ARRDC5: variants seen among roughly 807,000 people sequenced by gnomAD.
ARRDC5 encodes the protein arrestin domain containing 5.
Under a neutral mutation model 13.3 loss-of-function variants are expected in ARRDC5, and 12 were observed. That is an observed-to-expected ratio of 0.90 (90% confidence interval 0.58 to 1.46). The LOEUF (loss-of-function observed/expected upper bound fraction) is 1.46, where lower values mean the gene tolerates loss of function less well. ARRDC5 is among the 40% of genes most tolerant of loss of function. The pLI, the probability that ARRDC5 is intolerant of heterozygous loss-of-function variation, is 0.00. For synonymous variants in ARRDC5, 181 were observed against 173.4 expected (o/e 1.04, Z -0.34); for missense variants, 406 against 418.7 (o/e 0.97, Z 0.26).
upstream of ARRDC5, among the ~76,000 whole-genome samples, chr19:4,906,179 A>G (rs1268504985): frequency 1.3e-5 from 2 of 151,994 alleles, no homozygotes; most frequent in Admixed American, 1.3e-4. Flanking sequence ...GGTTCTCACT[A>G]CGTTGCCCAA....
At chr19:4,892,388 A>ATTTT (rs143254505) in intron 2 of ARRDC5, among the ~76,000 whole-genome samples, 1 of 122,484 alleles carries the variant, frequency 8.2e-6, no homozygotes, top group Non-Finnish European at 1.7e-5. Flanking sequence ...TGCATCCAGC[A>ATTTT]TTTTTTTTTT....
At chr19:4,900,252 A>G (rs1159641981) in intron 1 of ARRDC5, among the ~76,000 whole-genome samples, 2 of 135,380 alleles carry the variant, frequency 1.5e-5, no homozygotes, top group East Asian at 2.2e-4. Flanking sequence ...GGTTCACGCC[A>G]TTCTTCTGCC....
Position 4,890,914 on chromosome 19 carries a change from C to T in ARRDC5, c.*132G>A, listed in dbSNP as rs947848236. ...GGAGGGGAGACACAGATACCTAAAC[C>T]GCTAGAGCTTGGGGAGGTTGCAGAC... On this transcript the variant is annotated 3_prime_UTR_variant, in exon 3 of 3. Transcript: ENST00000650722. 2.5e-5 allele frequency: 17 copies of T among 692,444 alleles called. No individual in the cohort carries two copies. The highest frequency in any genetic ancestry group is 3.9e-5 in the Non-Finnish European group (16 of 412,348). 42.9% of individuals were successfully genotyped at this position (692,444 alleles called of 1,614,324 possible).
chr19:4,907,704 CTTTTTTTTTTT>C (rs59867968), upstream of ARRDC5, among the ~76,000 whole-genome samples: 1 of 47,672 alleles, frequency 2.1e-5, no homozygotes, highest in African/African-American at 1.0e-4. Context: ...TTGGCCTGAT[CTTTTTTTTTTT>C]TTTTTTTTTT....
chr19:4,896,584 C>T (rs2031741903), intron 2 of ARRDC5, 87 bp downstream of exon 2: 1 of 989,164 alleles, frequency 1.0e-6, no homozygotes, highest in Admixed American at 2.0e-5. Flanking sequence ...CCCCATGGGA[C>T]CTTCTCTGTC....
At chr19:4,901,685 T>C (rs1794631655) in intron 1 of ARRDC5, among the ~76,000 whole-genome samples, 1 of 152,106 alleles carries the variant, frequency 6.6e-6, no homozygotes. Context: ...AATTACACTT[T>C]GTTCAGCCAA....
chr19:4,897,594 G>A (rs892565255), intron 1 of ARRDC5, among the ~76,000 whole-genome samples: 6 of 152,100 alleles, frequency 3.9e-5, no homozygotes, highest in African/African-American at 9.7e-5. Flanking sequence ...CATGGTCACT[G>A]CAGCCTCCAA....
At chr19:4,897,709 G>T (rs529859413) in intron 1 of ARRDC5, among the ~76,000 whole-genome samples, 57 of 152,092 alleles carry the variant, frequency 3.7e-4, no homozygotes, top group Non-Finnish European at 4.9e-4. Context: ...TAGAGACAGG[G>T]TCTTGCTATG....
At chr19:4,899,081 G>A (rs1035153347) in intron 1 of ARRDC5, among the ~76,000 whole-genome samples, 16 of 151,498 alleles carry the variant, frequency 1.1e-4, no homozygotes, top group South Asian at 2.1e-4. Context: ...AGGCCGAGGC[G>A]GGCAGATCAC....
chr19:4,896,476 T>A (rs2031738761), intron 2 of ARRDC5, among the ~76,000 whole-genome samples, 195 bp downstream of exon 2: 1 of 150,096 alleles, frequency 6.7e-6, no homozygotes, highest in South Asian at 2.1e-4. Flanking sequence ...GGTGCAAACA[T>A]GGCTTACTGC....
In ARRDC5 at chr19:4,902,618, T is replaced by G. The variant is rs773524866; in HGVS notation, c.208A>C (p.Asn70His). 6.2e-7 allele frequency: 1 copy of G among 1,614,044 alleles called. No individual in the cohort carries two copies. The highest frequency in any genetic ancestry group is 8.5e-7 in the Non-Finnish European group (1 of 1,179,900). ...CDYSRNVICN[N>H]KADYVHKTKT... is the part of the protein sequence containing the mutation. ...GTCTTATGCACGTAGTCTGCCTTGT[T>G]GTTGCAAATAACATTTCTGCTATAA... The change falls in exon 1 of 3, where the codon AAC (asparagine) becomes CAC (histidine). Residue 70 changes from asparagine (N) to histidine (H), a missense_variant. Physicochemically the swap from Asn to His is moderately conservative, Grantham distance 68 (BLOSUM62 1). Transcript: ENST00000650722.
the ARRDC5 span, among the ~76,000 whole-genome samples, chr19:4,915,927 G>A: frequency 4.6e-5 from 7 of 152,124 alleles, no homozygotes; most frequent in African/African-American, 1.7e-4. Context: ...GTTCTCAAAC[G>A]GATTTCAGGA....
At chr19:4,916,089 C>T in the ARRDC5 span, among the ~76,000 whole-genome samples, 14 of 152,058 alleles carry the variant, frequency 9.2e-5, no homozygotes, top group Admixed American at 9.2e-4. Flanking sequence ...GCGAGGATCG[C>T]TTGAGGTTGG....
chr19:4,905,459 C>T (rs950497320), upstream of ARRDC5, among the ~76,000 whole-genome samples: 11 of 150,090 alleles, frequency 7.3e-5, no homozygotes, highest in African/African-American at 2.7e-4. Flanking sequence ...GATTTTTTTG[C>T]AATTTTTTTT....
the ARRDC5 span, among the ~76,000 whole-genome samples, chr19:4,916,265 C>T: frequency 1.9e-4 from 29 of 151,282 alleles, no homozygotes; most frequent in African/African-American, 6.8e-4. Context: ...AAGATTGTAC[C>T]ACTGCATTCC....
rs200818632 is a variant in ARRDC5, at chr19:4,902,762, T to G, written c.64A>C (p.Ser22Arg). ...GTTAAGATCACCTGCCCTTTTATGCTGGAGCCAGCCAGGTAGATTCTATCC... is the reference window on the plus strand; with the variant it reads ...GTTAAGATCACCTGCCCTTTTATGCGGGAGCCAGCCAGGTAGATTCTATCC... ...PEDRIYLAGSSIKGQVILTLN... is the reference protein window; with the variant it reads ...PEDRIYLAGSRIKGQVILTLN... Residue 22 changes from serine to arginine, a missense_variant, in exon 1 of 3, where the codon AGC becomes CGC. Coordinates refer to ENST00000650722, the MANE Select transcript of ARRDC5 (RefSeq NM_001080523.3). 5.0e-6 allele frequency: 8 copies of G among 1,614,024 alleles called. No individual in the cohort carries two copies. In the Admixed American group the frequency reaches 1.2e-4, roughly 24 times the overall value.
upstream of ARRDC5, among the ~76,000 whole-genome samples, chr19:4,906,248 G>A (rs979151879): frequency 2.0e-5 from 3 of 152,124 alleles, no homozygotes; most frequent in Non-Finnish European, 4.4e-5. Flanking sequence ...CAAAGTGCTG[G>A]GATTGCAGGT....
At chr19:4,895,175 A>G (rs2031667473) in intron 2 of ARRDC5, among the ~76,000 whole-genome samples, 1 of 151,790 alleles carries the variant, frequency 6.6e-6, no homozygotes, top group Non-Finnish European at 1.5e-5. Context: ...TAATCCCAGC[A>G]CTTTGGGAGG....
the ARRDC5 span, chr19:4,911,141 CTCGTCCGG>C: frequency 5.2e-6 from 6 of 1,152,984 alleles, no homozygotes; most frequent in East Asian, 1.6e-4. Context: ...CCCCAACAAC[CTCGTCCGG>C]TCCCACTTCA....
Sources: gnomAD v4.1 joint callset for allele counts (sites outside exome capture counted in the v4.1 genomes callset) on GRCh38, gnomAD v4.1.1 for gene constraint, MANE v1.5 for transcripts, NCBI Gene and HGNC (gene_info 2026-07-23, HGNC 2026-07-21) for gene names.